Variants in KNTC1 observed in about 807,000 individuals in gnomAD.
The protein encoded by KNTC1 is kinetochore-associated protein 1.
Under a neutral mutation model 314.4 loss-of-function variants are expected in KNTC1, and 253 were observed. That is an observed-to-expected ratio of 0.80 (90% confidence interval 0.73 to 0.89). The LOEUF (loss-of-function observed/expected upper bound fraction) is 0.89. Ranked by LOEUF, KNTC1 falls within the 40% of genes least tolerant of loss-of-function variation. The pLI is 0.00. For synonymous variants in KNTC1, 901 were observed against 901.4 expected, an observed-to-expected ratio of 1.00 and a Z score of 0.01; for missense variants, 2,475 against 2,572.9, an observed-to-expected ratio of 0.96 and a Z score of 0.82.
chr12:122,535,316 G>A (rs1961704039), intron 3 of KNTC1, among the ~76,000 whole-genome samples: 1 of 152,124 alleles, frequency 6.6e-6, no homozygotes, highest in Non-Finnish European at 1.5e-5. Flanking sequence ...TTGCGGTCAG[G>A]AGTTCAAGAC....
intron 62 of KNTC1, 28 bp downstream of exon 62, chr12:122,622,635 ACTGTGGAATTTCCTT>A: frequency 2.0e-6 from 3 of 1,468,092 alleles, no homozygotes; most frequent in Non-Finnish European, 2.7e-6. Flanking sequence ...AAAAAAACTT[ACTGTGGAATTTCCTT>A]AAAATCTATC....
intron 16 of KNTC1, 80 bp downstream of exon 16, chr12:122,551,776 T>C (rs1963215462): frequency 3.9e-6 from 4 of 1,017,762 alleles, no homozygotes; most frequent in East Asian, 2.4e-5. Flanking sequence ...ACATGTAATA[T>C]ATAATTGGAA....
At chr12:122,572,630 G>A (rs1388645374) in intron 24 of KNTC1, among the ~76,000 whole-genome samples, 2 of 151,978 alleles carry the variant, frequency 1.3e-5, no homozygotes, top group African/African-American at 4.8e-5. Flanking sequence ...AATCTCTATA[G>A]ATAGATGGGA....
chr12:122,533,171 T>C (rs1961513285), intron 2 of KNTC1, among the ~76,000 whole-genome samples: 1 of 143,458 alleles, frequency 7.0e-6, no homozygotes, highest in African/African-American at 2.5e-5. Flanking sequence ...GTTCCTTTTC[T>C]TTTTTTTTTT....
chr12:122,530,729 G>A (rs1961245872), intron 2 of KNTC1, among the ~76,000 whole-genome samples: 1 of 152,128 alleles, frequency 6.6e-6, no homozygotes, highest in East Asian at 1.9e-4. Flanking sequence ...GGGATTACAG[G>A]TGTGAGCCAT....
chr12:122,580,412 C>T (rs559671925), intron 32 of KNTC1, among the ~76,000 whole-genome samples, 191 bp from the exon 33 acceptor site: 1 of 152,088 alleles, frequency 6.6e-6, no homozygotes, highest in Non-Finnish European at 1.5e-5. Context: ...CTGTTTTCTA[C>T]CTCCTGAAAG....
chr12:122,590,477 TCTTTAAAAAG>T, intron 40 of KNTC1, 120 bp from the exon 41 acceptor site: 1 of 865,184 alleles, frequency 1.2e-6, no homozygotes, highest in African/African-American at 1.7e-5. Flanking sequence ...TGTTTTTTTT[TCTTTAAAAAG>T]TTTTTTTTAA....
At chr12:122,545,308 A>G (rs1962672914) in intron 8 of KNTC1, among the ~76,000 whole-genome samples, 2 of 152,164 alleles carry the variant, frequency 1.3e-5, no homozygotes, top group South Asian at 4.1e-4. Flanking sequence ...AAGCTGAGGC[A>G]GAAGAATTGC....
chr12:122,577,076 T>C (rs1965079945), intron 30 of KNTC1, 47 bp downstream of exon 30: 6 of 1,352,650 alleles, frequency 4.4e-6, no homozygotes, highest in African/African-American at 1.5e-5. Context: ...TTTGTTTCTG[T>C]GTTGTTGTTG....
chr12:122,571,284 G>A (rs113840123), intron 24 of KNTC1, among the ~76,000 whole-genome samples, 158 bp downstream of exon 24: 22 of 151,946 alleles, frequency 1.4e-4, no homozygotes, highest in Non-Finnish European at 2.5e-4. Flanking sequence ...CCATATGTAG[G>A]AAAATTTGCT....
In KNTC1 at chr12:122,580,527, A is replaced by T. The variant is rs546960367; in HGVS notation, c.2915-76A>T. On this transcript the variant is annotated intron_variant, in intron 32 of 63. Transcript: ENST00000333479. ...TGAGATGAGAGAACCAAAGCTAATT[A>T]AAATTTCTTCTTTTTAAAATTCTGA... is the stretch of plus-strand genomic sequence containing the variant. 4.1e-4 allele frequency: 365 copies of T among 893,330 alleles called. 1 individual carries two copies. The highest frequency in any genetic ancestry group is 6.4e-4 in the Admixed American group (27 of 42,100). The allele number at this position is 893,330 out of a possible 1,614,324, so 55.3% of individuals were successfully genotyped here.
At chr12:122,527,955 T>A (rs928931059) in intron 1 of KNTC1, among the ~76,000 whole-genome samples, 1 of 152,248 alleles carries the variant, frequency 6.6e-6, no homozygotes, top group African/African-American at 2.4e-5. Context: ...CTTTTTGTAA[T>A]TATTTGTGCA....
At chr12:122,577,089 GT>G in intron 30 of KNTC1, 60 bp downstream of exon 30, 5 of 1,330,200 alleles carry the variant, frequency 3.8e-6, no homozygotes, top group African/African-American at 1.5e-5. Context: ...TGTTGTTGTT[GT>G]TTTTTGAGAC....
At chr12:122,528,061 G>T (rs1344991213) in intron 1 of KNTC1, among the ~76,000 whole-genome samples, 1 of 151,924 alleles carries the variant, frequency 6.6e-6, no homozygotes, top group Non-Finnish European at 1.5e-5. Flanking sequence ...TAATGGCAAA[G>T]ACATTTTGTG....
chr12:122,580,099 A>C (rs1281105192), intron 32 of KNTC1, 122 bp downstream of exon 32: 8 of 653,318 alleles, frequency 1.2e-5, no homozygotes, highest in Non-Finnish European at 1.9e-5. Context: ...GTCTTTATTG[A>C]TCTTACCCAT....
At chr12:122,570,726 A>G in intron 22 of KNTC1, 150 bp from the exon 23 acceptor site, 4 of 595,712 alleles carry the variant, frequency 6.7e-6, no homozygotes, top group South Asian at 2.1e-5. Flanking sequence ...TACACCTACT[A>G]CGTGCCCACA....
At chr12:122,535,671 C>T (rs1446481287) in intron 3 of KNTC1, among the ~76,000 whole-genome samples, 1 of 151,420 alleles carries the variant, frequency 6.6e-6, no homozygotes, top group Non-Finnish European at 1.5e-5. Context: ...CAAAAATTAG[C>T]TGGGCATGGT....
At position 122,585,752 on chromosome 12, in the gene KNTC1, T is replaced by A. The variant is rs1048588299; in HGVS notation, c.3651T>A (p.Ile1217=). The change falls in exon 37 of 64, where the codon ATT becomes ATA. Residue 1217 remains isoleucine (I), a synonymous_variant. Transcript: ENST00000333479. The stretch of plus-strand genomic sequence containing the variant: ...TGCTTCCAGTGATTTATGAACTGAT[T>A]TCATCTCTTGTGCCTCTAGCTGGTA... ...QMVLPVIYEL[I]SSLVPLAESK... The A allele has an allele frequency of 3.1e-6, 5 of 1,613,706 alleles. No individual in the cohort carries two copies. The highest frequency in any genetic ancestry group is 4.2e-6 in the Non-Finnish European group (5 of 1,179,748).
intron 44 of KNTC1, among the ~76,000 whole-genome samples, 197 bp downstream of exon 44, chr12:122,598,135 C>G (rs1871315145): frequency 6.6e-6 from 1 of 152,112 alleles, no homozygotes. Flanking sequence ...AGCTTTTCTT[C>G]CCCAGATTTT....
Sources: gnomAD v4.1 joint callset for allele counts (sites outside exome capture counted in the v4.1 genomes callset) on GRCh38, gnomAD v4.1.1 for gene constraint, MANE v1.5 for transcripts, NCBI Gene and HGNC (gene_info 2026-07-23, HGNC 2026-07-21) for gene names.